The following SPOCK1 variants were observed in gnomAD, a reference collection of about 807,000 sequenced individuals.
The protein encoded by SPOCK1 is testican-1.
A neutral mutation model predicts 55.3 loss-of-function variants in SPOCK1; 23 were observed. That is an observed-to-expected ratio of 0.42 (90% CI 0.30 to 0.59). SPOCK1 has a LOEUF of 0.59. Among genes scored for constraint, SPOCK1 ranks in the 20% least tolerant of loss-of-function variants. SPOCK1 has a pLI of 0.22. For missense variants in SPOCK1, 499 were observed against 552.5 expected, an observed-to-expected ratio of 0.90 and a Z score of 0.97; for synonymous variants, 226 against 221.0, an observed-to-expected ratio of 1.02 and a Z score of -0.20.
intron 3 of SPOCK1, among the ~76,000 whole-genome samples, chr5:137,199,515 T>C (rs1404613645): frequency 6.6e-6 from 1 of 152,196 alleles, no homozygotes; most frequent in African/African-American, 2.4e-5. Context: ...TCATGAGCTC[T>C]GAGTCCTTGC....
intron 3 of SPOCK1, among the ~76,000 whole-genome samples, chr5:137,226,108 C>G (rs1199850619): frequency 6.6e-6 from 1 of 152,216 alleles, no homozygotes; most frequent in Admixed American, 6.5e-5. Flanking sequence ...GGGCTGCACA[C>G]CATCCTGCTC....
intron 6 of SPOCK1, among the ~76,000 whole-genome samples, chr5:137,017,687 A>G (rs1240899315): frequency 4.6e-5 from 7 of 152,208 alleles, no homozygotes; most frequent in Admixed American, 3.9e-4. Flanking sequence ...CCACCTCACA[A>G]AACACATCAT....
intron 6 of SPOCK1, among the ~76,000 whole-genome samples, chr5:137,059,060 T>A (rs1217603876): frequency 1.0e-5 from 1 of 100,080 alleles, no homozygotes; most frequent in Admixed American, 1.1e-4. Flanking sequence ...TCAGCTGGAC[T>A]ACCATGTGCA....
chr5:137,434,832 T>C (rs1458242087), intron 2 of SPOCK1, among the ~76,000 whole-genome samples: 1 of 152,012 alleles, frequency 6.6e-6, no homozygotes, highest in African/African-American at 2.4e-5. Context: ...CTGGTAAATA[T>C]CAGTAGCCTA....
At chr5:137,103,977 T>G (rs930951820) in intron 5 of SPOCK1, among the ~76,000 whole-genome samples, 2 of 152,238 alleles carry the variant, frequency 1.3e-5, no homozygotes, top group Non-Finnish European at 2.9e-5. Flanking sequence ...AACTGTTGAA[T>G]GTATACAGCA....
chr5:137,490,205 G>T (rs555162350), intron 2 of SPOCK1, among the ~76,000 whole-genome samples: 159 of 152,258 alleles, frequency 1.0e-3, no homozygotes, highest in Non-Finnish European at 1.8e-3. Flanking sequence ...CAACCTGCTT[G>T]GGCTGTAGTG....
chr5:137,412,366 C>T (rs909731128), intron 2 of SPOCK1, among the ~76,000 whole-genome samples: 3 of 152,228 alleles, frequency 2.0e-5, no homozygotes, highest in Admixed American at 1.3e-4. Context: ...GAAACATTAG[C>T]TGAACTTCCC....
chr5:137,179,464 T>C (rs1754924686), intron 3 of SPOCK1, among the ~76,000 whole-genome samples: 2 of 152,182 alleles, frequency 1.3e-5, no homozygotes, highest in Admixed American at 1.3e-4. Flanking sequence ...TCAGAGGTCA[T>C]CCAATTTCCC....
chr5:137,315,079 T>G (rs1757853667), intron 2 of SPOCK1, among the ~76,000 whole-genome samples: 1 of 151,972 alleles, frequency 6.6e-6, no homozygotes, highest in African/African-American at 2.4e-5. Flanking sequence ...CCCCTGCCAA[T>G]CCCGACAGGT....
intron 4 of SPOCK1, among the ~76,000 whole-genome samples, chr5:137,114,866 G>C (rs1006580046): frequency 6.6e-6 from 1 of 152,232 alleles, no homozygotes; most frequent in Non-Finnish European, 1.5e-5. Context: ...CCAGAAAGGG[G>C]CTATAAAGTC....
chr5:137,424,574 C>G (rs1752568159), intron 2 of SPOCK1, among the ~76,000 whole-genome samples: 1 of 152,154 alleles, frequency 6.6e-6, no homozygotes, highest in East Asian at 1.9e-4. Context: ...CATGACAACC[C>G]TACTCATAAT....
At chr5:137,493,312 G>A (rs566245312) in intron 2 of SPOCK1, among the ~76,000 whole-genome samples, 6 of 152,340 alleles carry the variant, frequency 3.9e-5, no homozygotes, top group South Asian at 2.1e-4. Context: ...GTGATTGAGC[G>A]AATGATGAGG....
rs150206200 is a variant in SPOCK1 at position 137,352,256 on chromosome 5, T to C, written c.187-85201A>G. On this transcript the variant is annotated intron_variant, in intron 2 of 10. Transcript: ENST00000394945. ...ATTACCATGCCAGTAAATATTTTAA[T>C]AGACTAGATGTTCTTCCTCAAGGCA... 5.9e-3 allele frequency among the ~76,000 whole-genome samples: 897 copies of C among 152,362 alleles called. 11 individuals are homozygous for C. Among genetic ancestry groups the C allele is most frequent in the African/African-American group, 0.017 (695 of 41,578 alleles).
At chr5:137,136,528 A>G (rs954880710) in intron 4 of SPOCK1, among the ~76,000 whole-genome samples, 4 of 152,224 alleles carry the variant, frequency 2.6e-5, no homozygotes, top group East Asian at 3.8e-4. Flanking sequence ...AAAACACACC[A>G]ATAGACAAAA....
chr5:137,056,639 G>A (rs1009896683), intron 6 of SPOCK1, among the ~76,000 whole-genome samples: 3 of 151,672 alleles, frequency 2.0e-5, no homozygotes, highest in Non-Finnish European at 4.4e-5. Context: ...ATTTTCCGGA[G>A]TATTTCTTGG....
At chr5:137,050,690 A>G (rs1394414579) in intron 6 of SPOCK1, among the ~76,000 whole-genome samples, 1 of 152,230 alleles carries the variant, frequency 6.6e-6, no homozygotes, top group Non-Finnish European at 1.5e-5. Flanking sequence ...TACTTTAGAG[A>G]GGAAGATAAA....
chr5:137,187,282 G>C (rs1755088097), intron 3 of SPOCK1, among the ~76,000 whole-genome samples: 1 of 152,098 alleles, frequency 6.6e-6, no homozygotes, highest in Admixed American at 6.5e-5. Context: ...CTCCTCCCCA[G>C]GGTGATTCAC....
At chr5:137,468,229 A>T (rs760793585) in intron 2 of SPOCK1, among the ~76,000 whole-genome samples, 1 of 152,214 alleles carries the variant, frequency 6.6e-6, no homozygotes, top group Admixed American at 6.5e-5. Context: ...TCCTGCAGTT[A>T]AAGAGAACAG....
chr5:137,010,181 T>C (rs913068001), intron 6 of SPOCK1, among the ~76,000 whole-genome samples: 19 of 152,052 alleles, frequency 1.2e-4, no homozygotes, highest in Admixed American at 1.2e-3. Flanking sequence ...TAGTCACATC[T>C]ATACTCGCCC....
Sources: allele counts gnomAD v4.1 joint callset (sites outside exome capture counted in the v4.1 genomes callset), GRCh38; gene constraint gnomAD v4.1.1; transcripts MANE v1.5; gene names NCBI Gene and HGNC (gene_info 2026-07-23, HGNC 2026-07-21).